The following CHRM3 variants were observed in gnomAD, a reference collection of about 807,000 sequenced individuals.
CHRM3 encodes the protein cholinergic receptor muscarinic 3.
A neutral mutation model predicts 41.8 loss-of-function variants in CHRM3; 11 were observed. The ratio of observed to expected loss-of-function variants is 0.26; its 90% confidence interval spans 0.17 to 0.44. The LOEUF (loss-of-function observed/expected upper bound fraction) is 0.44. Ranked by LOEUF, CHRM3 falls within the 20% of genes least tolerant of loss-of-function variation. The pLI is 1.00. For missense variants in CHRM3, 571 were observed against 745.4 expected (o/e 0.77, Z 2.72); for synonymous variants, 297 against 301.4 (o/e 0.99, Z 0.15).
intron 1 of CHRM3, among the ~76,000 whole-genome samples, chr1:239,435,976 G>A (rs1374978647): frequency 2.6e-5 from 4 of 152,146 alleles, no homozygotes; most frequent in East Asian, 1.9e-4. Flanking sequence ...CACCATTAAA[G>A]TGGGGAAGTG....
intron 6 of CHRM3, among the ~76,000 whole-genome samples, chr1:239,890,577 C>A (rs12079266): frequency 0.014 from 2,133 of 151,934 alleles, 31 homozygotes; most frequent in African/African-American, 0.033. Context: ...ATTGAGGGAC[C>A]CACAGTAAGT....
rs370079068 is a variant in CHRM3, at chr1:239,487,632, A to G, written c.-520-5077A>G. Reference sequence around the variant, plus strand: ...GAGATTTGGTATTGTGAAAATGTCAATTCTTTATGACTACATTGCAATTCC... The same window carrying G: ...GAGATTTGGTATTGTGAAAATGTCAGTTCTTTATGACTACATTGCAATTCC... On this transcript the variant is annotated intron_variant, in intron 1 of 6. Coordinates refer to ENST00000676153, the MANE Select transcript of CHRM3 (RefSeq NM_001375978.1). 1.9e-4 allele frequency among the ~76,000 whole-genome samples: 29 copies of G among 152,274 alleles called. No homozygotes were observed. In the South Asian group the frequency reaches 5.0e-3, roughly 26 times the overall value.
At chr1:239,537,993 C>T (rs909565616) in intron 2 of CHRM3, among the ~76,000 whole-genome samples, 4 of 152,092 alleles carry the variant, frequency 2.6e-5, no homozygotes, top group South Asian at 2.1e-4. Context: ...GAGTCATAAG[C>T]GCTTGGCATG....
At chr1:239,683,361 A>G (rs1220964732) in intron 5 of CHRM3, among the ~76,000 whole-genome samples, 1 of 152,198 alleles carries the variant, frequency 6.6e-6, no homozygotes, top group Non-Finnish European at 1.5e-5. Context: ...TCATCAGATT[A>G]GAAGACTATA....
chr1:239,673,560 A>T (rs148946328), intron 4 of CHRM3, among the ~76,000 whole-genome samples: 377 of 152,254 alleles, frequency 2.5e-3, no homozygotes, highest in African/African-American at 8.4e-3. Flanking sequence ...TTTTCATTCA[A>T]CGTATATTTT....
chr1:239,524,908 A>T (rs2148289214), intron 2 of CHRM3, among the ~76,000 whole-genome samples: 1 of 152,306 alleles, frequency 6.6e-6, no homozygotes, highest in South Asian at 2.1e-4. Flanking sequence ...AAGAATTTTT[A>T]AAAATTCTTC....
intron 6 of CHRM3, among the ~76,000 whole-genome samples, chr1:239,855,864 T>G (rs900682512): frequency 6.6e-6 from 1 of 152,208 alleles, no homozygotes; most frequent in African/African-American, 2.4e-5. Context: ...CATATTTATT[T>G]GATGCATTTC....
chr1:239,562,712 A>G (rs888825239), intron 3 of CHRM3, among the ~76,000 whole-genome samples: 7 of 151,952 alleles, frequency 4.6e-5, no homozygotes, highest in Admixed American at 2.0e-4. Context: ...ACATAGTGAA[A>G]CCCCATCTCT....
At chr1:239,835,480 TC>T (rs774324700) in intron 6 of CHRM3, among the ~76,000 whole-genome samples, 6 of 152,116 alleles carry the variant, frequency 3.9e-5, no homozygotes, top group Non-Finnish European at 8.8e-5. Flanking sequence ...GTTTTTTTTT[TC>T]ACTTAGAAAA....
At chr1:239,764,181 T>A (rs1311892146) in intron 5 of CHRM3, among the ~76,000 whole-genome samples, 1 of 152,158 alleles carries the variant, frequency 6.6e-6, no homozygotes. Flanking sequence ...GAGTTAGTAA[T>A]TTGTCCTACT....
chr1:239,668,089 C>CTTTT (rs1221135009), intron 4 of CHRM3, among the ~76,000 whole-genome samples: 22 of 75,594 alleles, frequency 2.9e-4, no homozygotes, highest in Non-Finnish European at 4.5e-4. Flanking sequence ...TTTCCCCTTT[C>CTTTT]TTTTTTTTTT....
chr1:239,398,570 A>G (rs1659696189), intron 1 of CHRM3, among the ~76,000 whole-genome samples: 1 of 151,886 alleles, frequency 6.6e-6, no homozygotes, highest in African/African-American at 2.4e-5. Context: ...CTTCTATCAA[A>G]CCCCTGAAGA....
intron 1 of CHRM3, among the ~76,000 whole-genome samples, chr1:239,445,362 G>A (rs868346114): frequency 3.3e-5 from 5 of 152,130 alleles, no homozygotes; most frequent in African/African-American, 4.8e-5. Context: ...ACTTAACAGA[G>A]AGTGATCAGC....
At chr1:239,801,795 G>A (rs1670236471) in intron 5 of CHRM3, among the ~76,000 whole-genome samples, 1 of 152,094 alleles carries the variant, frequency 6.6e-6, no homozygotes, top group Admixed American at 6.5e-5. Flanking sequence ...TGTGCATTTT[G>A]ACCCAACTTT....
At chr1:239,617,112 G>A (rs1667719685) in intron 3 of CHRM3, among the ~76,000 whole-genome samples, 1 of 152,108 alleles carries the variant, frequency 6.6e-6, no homozygotes, top group Non-Finnish European at 1.5e-5. Flanking sequence ...AAACAAAATT[G>A]AGAAAAGCAA....
rs1671483092 is a variant in CHRM3 at position 239,815,272 on chromosome 1, A to T, written c.-146-11980A>T. Among the ~76,000 whole-genome samples, 4 of 152,356 alleles carry T rather than the reference A, an allele frequency of 2.6e-5. No homozygotes were observed. The South Asian group carries it at 8.3e-4, about 32-fold the overall frequency. The stretch of plus-strand genomic sequence containing the variant: ...ATGCCTTCCTCTGTACTGTCAGGAC[A>T]TATCAAAATGTACCCATTCTCATGA... On this transcript the variant is annotated intron_variant, in intron 5 of 6. Transcript: ENST00000676153.
intron 3 of CHRM3, among the ~76,000 whole-genome samples, chr1:239,579,967 A>C (rs1662715880): frequency 6.6e-6 from 1 of 152,086 alleles, no homozygotes; most frequent in Admixed American, 6.6e-5. Context: ...GTGTGAGTTG[A>C]GATATGAACT....
At chr1:239,442,836 A>G (rs74149069) in intron 1 of CHRM3, among the ~76,000 whole-genome samples, 6,814 of 152,214 alleles carry the variant, frequency 0.045, 492 homozygotes, top group African/African-American at 0.15. Context: ...TTTTCTGGTG[A>G]ATTCTCCGTG....
At chr1:239,708,758 TTTTTTG>T in intron 5 of CHRM3, among the ~76,000 whole-genome samples, 1 of 143,754 alleles carries the variant, frequency 7.0e-6, no homozygotes, top group East Asian at 2.0e-4. Flanking sequence ...TTTTTTTTTT[TTTTTTG>T]GTGTTTGAGG....
Sources: gnomAD v4.1 joint callset for allele counts (sites outside exome capture counted in the v4.1 genomes callset) on GRCh38, gnomAD v4.1.1 for gene constraint, MANE v1.5 for transcripts, NCBI Gene and HGNC (gene_info 2026-07-23, HGNC 2026-07-21) for gene names.